The following MMP26 variants were observed in gnomAD, a reference collection of about 807,000 sequenced individuals.
The protein encoded by MMP26 is matrix metalloproteinase-26.
In MMP26, 33 loss-of-function variants were observed where a neutral mutation model predicts 31.0. That is an observed-to-expected ratio of 1.06 (90% CI 0.81 to 1.42). MMP26 has a LOEUF of 1.42. Among genes scored for constraint, MMP26 ranks in the 40% most tolerant of loss-of-function variants. The pLI, the probability that MMP26 is intolerant of heterozygous loss-of-function variation, is 0.00. For synonymous variants in MMP26, 122 were observed against 114.9 expected, an observed-to-expected ratio of 1.06 and a Z score of -0.40; for missense variants, 347 against 316.1, an observed-to-expected ratio of 1.10 and a Z score of -0.74.
intron 1 of MMP26, among the ~76,000 whole-genome samples, chr11:4,732,665 T>A (rs1168133810): frequency 6.6e-6 from 1 of 152,162 alleles, no homozygotes; most frequent in Non-Finnish European, 1.5e-5. Flanking sequence ...CTACTTTTTG[T>A]CTCTATAGAT....
rs149725974 is a variant in MMP26, at chr11:4,727,046, G to A, written c.-217+22001G>A. ...AAAACAAAACAAAAAACAAAAATCC[G>A]TAAAAAACAAGTAAGACTTTCTATT... On this transcript the variant is annotated intron_variant, in intron 1 of 7. Transcript: ENST00000380390. Among the ~76,000 whole-genome samples the A allele has an allele frequency of 2.7e-3, 411 of 151,722 alleles. 3 individuals carry two copies. Among genetic ancestry groups the A allele is most frequent in the African/African-American group, 9.5e-3 (395 of 41,410 alleles).
intron 2 of MMP26, among the ~76,000 whole-genome samples, chr11:4,955,922 G>A (rs916784844): frequency 1.3e-5 from 2 of 152,198 alleles, no homozygotes; most frequent in African/African-American, 4.8e-5. Flanking sequence ...CTTTAGAGTA[G>A]AATCTGTCTA....
chr11:4,892,490 T>C (rs1850639617), intron 2 of MMP26, among the ~76,000 whole-genome samples: 1 of 152,208 alleles, frequency 6.6e-6, no homozygotes, highest in Non-Finnish European at 1.5e-5. Flanking sequence ...CCATCCACAG[T>C]AGCCAATAGA....
intron 2 of MMP26, chr11:4,924,019 G>A (rs1851229077): frequency 6.2e-7 from 1 of 1,614,142 alleles, no homozygotes; most frequent in Admixed American, 1.7e-5. Context: ...AAGACAAGGT[G>A]TGGATGAAGA....
Position 4,949,301 on chromosome 11 carries a change from A to C in MMP26, c.-144-38767A>C, listed in dbSNP as rs1277651476. Among the ~76,000 whole-genome samples the C allele has an allele frequency of 4.8e-5, 6 of 124,008 alleles. 2 individuals are homozygous for C. The highest frequency in any genetic ancestry group is 1.1e-4 in the Non-Finnish European group (6 of 54,704). The allele number at this position is 124,008 out of a possible 152,430, so 81.4% of individuals were successfully genotyped here. ...CTATTCTCAAGGATTTTTACATTGT[A>C]ATCTAGTATTAATTTTCAACTTAAT... is the stretch of plus-strand genomic sequence containing the variant. On this transcript the variant is annotated intron_variant, in intron 2 of 7. Transcript: ENST00000380390.
intron 2 of MMP26, among the ~76,000 whole-genome samples, chr11:4,812,730 G>A (rs929143320): frequency 6.6e-6 from 1 of 152,106 alleles, no homozygotes; most frequent in Non-Finnish European, 1.5e-5. Context: ...GTGGATGGGG[G>A]GATGATTTCT....
At chr11:4,885,914 C>G (rs990478477) in intron 2 of MMP26, among the ~76,000 whole-genome samples, 1 of 151,908 alleles carries the variant, frequency 6.6e-6, no homozygotes. Context: ...TTAAAATTAC[C>G]ATACTTTGCT....
intron 2 of MMP26, chr11:4,881,890 T>G (rs1470538658): frequency 1.2e-6 from 2 of 1,607,532 alleles, no homozygotes; most frequent in African/African-American, 2.7e-5. Flanking sequence ...TTCAGTGTCT[T>G]CAACCAACCA....
At position 4,718,099 on chromosome 11, in the gene MMP26, G is replaced by A. The variant is rs540384196; in HGVS notation, c.-217+13054G>A. Among the ~76,000 whole-genome samples, 9 of 152,234 alleles carry A rather than the reference G, an allele frequency of 5.9e-5. No individual in the cohort carries two copies. In the South Asian group the frequency reaches 1.9e-3, roughly 32 times the overall value. ...GGGTATTATCACACTGCAGATAGTA[G>A]GGGATCAACAAATGTTGGCTATTTA... On this transcript the variant is annotated intron_variant, in intron 1 of 7. Transcript: ENST00000380390.
Position 4,950,633 on chromosome 11 carries a change from C to T in MMP26, c.-144-37435C>T, listed in dbSNP as rs911962587. 6.9e-5 allele frequency among the ~76,000 whole-genome samples: 8 copies of T among 116,462 alleles called. 1 individual carries two copies. The highest frequency in any genetic ancestry group is 2.3e-4 in the African/African-American group (8 of 34,900). 76.4% of individuals were successfully genotyped at this position (116,462 alleles called of 152,430 possible). On this transcript the variant is annotated intron_variant, in intron 2 of 7. Transcript: ENST00000380390. ...GCTGAATATAGCTAATATTTGAGTC[C>T]TCTGTATTTCAATATTTCTAAGAGT...
At chr11:4,777,832 A>C (rs1848808756) in intron 2 of MMP26, among the ~76,000 whole-genome samples, 1 of 151,920 alleles carries the variant, frequency 6.6e-6, no homozygotes, top group South Asian at 2.1e-4. Flanking sequence ...ACCTTAATTA[A>C]CTTTTCCATC....
rs1228045870 is a variant in MMP26 at position 4,951,542 on chromosome 11, T to C, written c.-144-36526T>C. Among the ~76,000 whole-genome samples the C allele has an allele frequency of 4.8e-5, 6 of 124,742 alleles. 1 individual carries two copies. Among genetic ancestry groups the C allele is most frequent in the African/African-American group, 1.6e-4 (6 of 36,768 alleles). The allele number at this position is 124,742 out of a possible 152,430, so 81.8% of individuals were successfully genotyped here. ...ATTCTGCCATTATTGGCTGTTCTAG[T>C]AGATAAATACTGGGTTGTTAGGTTT... On this transcript the variant is annotated intron_variant, in intron 2 of 7. Coordinates refer to ENST00000380390, the MANE Select transcript of MMP26 (RefSeq NM_021801.5).
intron 2 of MMP26, among the ~76,000 whole-genome samples, chr11:4,951,107 G>C (rs7479956): frequency 0.74 from 90,078 of 122,394 alleles, 39,193 homozygotes; most frequent in Middle Eastern, 0.89. Context: ...ATTTGAAAAA[G>C]ACTCTAATAT....
At chr11:4,768,601 T>C (rs1261810193) in intron 2 of MMP26, among the ~76,000 whole-genome samples, 1 of 152,206 alleles carries the variant, frequency 6.6e-6, no homozygotes, top group Non-Finnish European at 1.5e-5. Flanking sequence ...CCTAAATGTC[T>C]ATAAATCTGT....
At position 4,961,346 on chromosome 11, in the gene MMP26, C is replaced by T. The variant is rs555322250; in HGVS notation, c.-144-26722C>T. ...CTTCTGTATCTGTTCCCTCTGGGCC[C>T]CTGGCTGATTCGATGGTGCCCAGCA... On this transcript the variant is annotated intron_variant, in intron 2 of 7. Transcript: ENST00000380390. Among the ~76,000 whole-genome samples the T allele has an allele frequency of 5.3e-5, 8 of 152,304 alleles. 1 individual carries two copies. The East Asian group carries it at 1.3e-3, about 26-fold the overall frequency.
chr11:4,788,950 A>G (rs1848984506), intron 2 of MMP26, among the ~76,000 whole-genome samples: 1 of 152,162 alleles, frequency 6.6e-6, no homozygotes, highest in South Asian at 2.1e-4. Flanking sequence ...TTGCCCTGGT[A>G]TTACCTAACG....
chr11:4,707,821 C>T (rs955371082), intron 1 of MMP26, among the ~76,000 whole-genome samples: 2 of 152,102 alleles, frequency 1.3e-5, no homozygotes, highest in East Asian at 1.9e-4. Flanking sequence ...CTTTTAGATG[C>T]TGTTGTGCTA....
intron 2 of MMP26, chr11:4,822,208 G>A (rs1849518078): frequency 6.3e-7 from 1 of 1,592,990 alleles, no homozygotes; most frequent in African/African-American, 1.3e-5. Context: ...TTTGTCTCTT[G>A]TCCATCGCTA....
At chr11:4,709,090 C>T (rs10836510) in intron 1 of MMP26, among the ~76,000 whole-genome samples, 84,598 of 151,920 alleles carry the variant, frequency 0.56, 24,537 homozygotes, top group African/African-American at 0.72. Flanking sequence ...TATTCTCTTA[C>T]TTTCATTGGG....
Sources: allele counts gnomAD v4.1 joint callset (sites outside exome capture counted in the v4.1 genomes callset), GRCh38; gene constraint gnomAD v4.1.1; transcripts MANE v1.5; gene names NCBI Gene and HGNC (gene_info 2026-07-23, HGNC 2026-07-21).